The following ACOXL variants were observed in gnomAD, a reference collection of about 807,000 sequenced individuals.
ACOXL encodes the protein acyl-coenzyme A oxidase-like protein.
A neutral mutation model predicts 71.9 loss-of-function variants in ACOXL; 70 were observed. That is an observed-to-expected ratio of 0.97 (90% CI 0.80 to 1.19). ACOXL has a LOEUF of 1.19. Among genes scored for constraint, ACOXL ranks in the 50% most tolerant of loss-of-function variants. The pLI is 0.00. For missense variants in ACOXL, 703 were observed against 736.3 expected (o/e 0.95, Z 0.52); for synonymous variants, 253 against 281.6 (o/e 0.90, Z 1.02).
rs1208935309 is a variant in ACOXL, at chr2:110,768,480, A to G, written c.75+16A>G. ...TCAGGATCTGGTAAGTGTCATTATT[A>G]TTCTGGTATGGTTGTGTGTGTGTGT... On this transcript the variant is annotated intron_variant, in intron 2 of 17. Coordinates refer to ENST00000439055, the MANE Select transcript of ACOXL (RefSeq NM_001142807.4). 2 of 1,567,526 alleles carry G rather than the reference A, an allele frequency of 1.3e-6. No individual in the cohort carries two copies. Among genetic ancestry groups the G allele is most frequent in the Non-Finnish European group, 1.7e-6 (2 of 1,145,664 alleles).
At chr2:110,921,392 C>T (rs1277785855) in intron 11 of ACOXL, among the ~76,000 whole-genome samples, 3 of 122,298 alleles carry the variant, frequency 2.5e-5, no homozygotes, top group Non-Finnish European at 3.6e-5. Flanking sequence ...ATATCCACCC[C>T]CCCCCCCCTT....
intron 12 of ACOXL, among the ~76,000 whole-genome samples, chr2:110,984,138 G>C (rs573530650): frequency 6.6e-5 from 10 of 152,248 alleles, no homozygotes; most frequent in African/African-American, 2.4e-4. Flanking sequence ...GCACCACTGC[G>C]CCTGGCCAAG....
chr2:110,750,892 C>G (rs1192828961), intron 1 of ACOXL, among the ~76,000 whole-genome samples: 1 of 151,938 alleles, frequency 6.6e-6, no homozygotes, highest in African/African-American at 2.4e-5. Context: ...GCCATGTTGC[C>G]CAGGCTGATC....
At chr2:110,953,820 GGAGA>G (rs372128281) in intron 12 of ACOXL, among the ~76,000 whole-genome samples, 4 of 152,010 alleles carry the variant, frequency 2.6e-5, no homozygotes, top group African/African-American at 4.8e-5. Context: ...TGGCAGAGCA[GGAGA>G]GAGAGAGAGA....
At chr2:110,861,870 C>T (rs74615929) in intron 10 of ACOXL, among the ~76,000 whole-genome samples, 2,209 of 152,280 alleles carry the variant, frequency 0.015, 29 homozygotes, top group Middle Eastern at 0.058. Flanking sequence ...CTGTCAAAGC[C>T]TCTGAACGGC....
intron 10 of ACOXL, among the ~76,000 whole-genome samples, chr2:110,873,000 A>G (rs1695458669): frequency 6.6e-6 from 1 of 152,104 alleles, no homozygotes; most frequent in African/African-American, 2.4e-5. Flanking sequence ...TAGCATTTCT[A>G]TTTTGTTTTT....
intron 12 of ACOXL, among the ~76,000 whole-genome samples, chr2:110,976,875 C>G (rs927756926): frequency 4.6e-5 from 7 of 152,084 alleles, no homozygotes; most frequent in African/African-American, 1.4e-4. Flanking sequence ...AAAGCATGCT[C>G]CAACTACGAG....
rs369337309 is a variant in ACOXL, at chr2:111,013,921, C to T, written c.1282-17706C>T. Among the ~76,000 whole-genome samples, 36 of 152,136 alleles carry T rather than the reference C, an allele frequency of 2.4e-4. No homozygotes were observed. The South Asian group carries it at 6.4e-3, about 27-fold the overall frequency. On this transcript the variant is annotated intron_variant, in intron 14 of 17. Coordinates refer to ENST00000439055, the MANE Select transcript of ACOXL (RefSeq NM_001142807.4). Reference sequence around the variant, plus strand: ...CAAAGTAGTGTTTATTATAAGAATGCGAGGTTGGTTTAATAGTCAAAACAT... The same window carrying T: ...CAAAGTAGTGTTTATTATAAGAATGTGAGGTTGGTTTAATAGTCAAAACAT...
chr2:111,091,098 C>A (rs964684595), intron 16 of ACOXL, among the ~76,000 whole-genome samples: 1 of 152,124 alleles, frequency 6.6e-6, no homozygotes, highest in Non-Finnish European at 1.5e-5. Context: ...TGCTGTTTTT[C>A]TTGGCTGAGG....
chr2:110,915,175 TGA>T (rs1161174856), intron 11 of ACOXL, among the ~76,000 whole-genome samples: 1 of 151,974 alleles, frequency 6.6e-6, no homozygotes, highest in East Asian at 1.9e-4. Context: ...CCTAGTTGGC[TGA>T]GTGTTTTTTT....
intron 10 of ACOXL, among the ~76,000 whole-genome samples, chr2:110,884,031 TA>T (rs1697005749): frequency 6.6e-6 from 1 of 152,200 alleles, no homozygotes; most frequent in Non-Finnish European, 1.5e-5. Flanking sequence ...GGCAAAATTT[TA>T]CCTCTACCAT....
intron 2 of ACOXL, among the ~76,000 whole-genome samples, chr2:110,778,160 C>G (rs1280753503): frequency 1.3e-5 from 2 of 152,222 alleles, no homozygotes; most frequent in East Asian, 1.9e-4. Context: ...CGGGGGCCAA[C>G]TTGGCTCTTA....
intron 16 of ACOXL, among the ~76,000 whole-genome samples, chr2:111,068,126 C>G (rs896824776): frequency 6.6e-6 from 1 of 152,238 alleles, no homozygotes; most frequent in Non-Finnish European, 1.5e-5. Context: ...GGGGGCTGTC[C>G]TCCCAGGCCA....
intron 10 of ACOXL, among the ~76,000 whole-genome samples, chr2:110,870,312 C>T (rs962880371): frequency 1.3e-5 from 2 of 151,420 alleles, no homozygotes; most frequent in African/African-American, 2.4e-5. Context: ...GTAGTGCCAT[C>T]GACTTCCTTT....
At chr2:110,854,779 T>G (rs1360569522) in intron 10 of ACOXL, among the ~76,000 whole-genome samples, 2 of 152,184 alleles carry the variant, frequency 1.3e-5, no homozygotes, top group Admixed American at 6.5e-5. Context: ...CAGTTTCTAT[T>G]TTCTCCCTTG....
chr2:111,115,819 G>C (rs2150093885), intron 17 of ACOXL, among the ~76,000 whole-genome samples: 1 of 152,264 alleles, frequency 6.6e-6, no homozygotes, highest in South Asian at 2.1e-4. Flanking sequence ...GGTGCCATTG[G>C]AGGGCACACT....
At chr2:110,800,773 G>C (rs1685889828) in intron 7 of ACOXL, among the ~76,000 whole-genome samples, 1 of 152,160 alleles carries the variant, frequency 6.6e-6, no homozygotes, top group Non-Finnish European at 1.5e-5. Context: ...GGTTTGTGAG[G>C]GTTTTAGATG....
intron 12 of ACOXL, among the ~76,000 whole-genome samples, chr2:110,951,489 A>G (rs2061332711): frequency 6.6e-6 from 1 of 152,224 alleles, no homozygotes; most frequent in South Asian, 2.1e-4. Flanking sequence ...GGTTAATTAA[A>G]GGAAGTGGTT....
At chr2:110,914,889 TATATTTA>T (rs1417100129) in intron 11 of ACOXL, among the ~76,000 whole-genome samples, 1 of 152,186 alleles carries the variant, frequency 6.6e-6, no homozygotes, top group African/African-American at 2.4e-5. Context: ...TTGCCGGTAT[TATATTTA>T]AGGGGTACGT....
Sources: allele counts gnomAD v4.1 joint callset (sites outside exome capture counted in the v4.1 genomes callset), GRCh38; gene constraint gnomAD v4.1.1; transcripts MANE v1.5; gene names NCBI Gene and HGNC (gene_info 2026-07-23, HGNC 2026-07-21).